MSI2: variants seen among roughly 807,000 people sequenced by gnomAD.
The protein encoded by MSI2 is musashi RNA binding protein 2, also known as RNA-binding protein Musashi homolog 2.
MSI2 carries 17 observed loss-of-function variants against 45.6 expected under a neutral mutation model. The observed-to-expected ratio is 0.37, with a 90% confidence interval of 0.26 to 0.56. The LOEUF (loss-of-function observed/expected upper bound fraction) is 0.56. Ranked by LOEUF, MSI2 falls within the 20% of genes least tolerant of loss-of-function variation. MSI2 has a pLI of 0.77. For missense variants in MSI2, 293 were observed against 444.2 expected (o/e 0.66, Z 3.06); for synonymous variants, 156 against 158.2 (o/e 0.99, Z 0.11).
intron 5 of MSI2, among the ~76,000 whole-genome samples, chr17:57,327,391 T>C (rs951224091): frequency 4.6e-5 from 7 of 152,198 alleles, no homozygotes; most frequent in Admixed American, 2.6e-4. Context: ...AGTGGGTGCC[T>C]TTTCTCTTGC....
At chr17:57,551,509 G>A (rs527624103) in intron 7 of MSI2, among the ~76,000 whole-genome samples, 43 of 152,256 alleles carry the variant, frequency 2.8e-4, no homozygotes, top group Non-Finnish European at 4.3e-4. Flanking sequence ...CTGTTCAGCC[G>A]AGGGTAGAAA....
At chr17:57,609,403 G>C (rs540523601) in intron 8 of MSI2, among the ~76,000 whole-genome samples, 4 of 152,304 alleles carry the variant, frequency 2.6e-5, no homozygotes, top group South Asian at 4.1e-4. Flanking sequence ...TGAGCACTGG[G>C]GAATTTTATC....
intron 7 of MSI2, among the ~76,000 whole-genome samples, chr17:57,568,449 A>G (rs1449354694): frequency 1.3e-5 from 2 of 152,158 alleles, no homozygotes; most frequent in African/African-American, 4.8e-5. Flanking sequence ...CCAATCAAGA[A>G]CAAAGACTCT....
At chr17:57,334,486 C>T (rs954381168) in intron 5 of MSI2, among the ~76,000 whole-genome samples, 5 of 152,088 alleles carry the variant, frequency 3.3e-5, no homozygotes, top group Non-Finnish European at 5.9e-5. Flanking sequence ...CAACACTCCC[C>T]AAGATCTCAT....
intron 5 of MSI2, among the ~76,000 whole-genome samples, chr17:57,316,984 T>TCAGG (rs1345258940): frequency 6.6e-6 from 1 of 150,830 alleles, no homozygotes; most frequent in Admixed American, 6.6e-5. Flanking sequence ...GAATCAGGAA[T>TCAGG]CAGGCTCTTT....
At position 57,501,499 on chromosome 17, in the gene MSI2, C is replaced by T. The variant is rs992348366; in HGVS notation, c.406-28177C>T. 1.2e-4 allele frequency among the ~76,000 whole-genome samples: 19 copies of T among 152,360 alleles called. 1 individual carries two copies. Among genetic ancestry groups the T allele is most frequent in the South Asian group, 4.1e-4 (2 of 4,830 alleles). ...TTAGCTTTCAAGAAGGCAGTTTATCCCTCAAGGGTGGTCCTGCCTCCAGGC... is the reference window on the plus strand; with the variant it reads ...TTAGCTTTCAAGAAGGCAGTTTATCTCTCAAGGGTGGTCCTGCCTCCAGGC... On this transcript the variant is annotated intron_variant, in intron 6 of 13. Coordinates refer to ENST00000284073, the MANE Select transcript of MSI2 (RefSeq NM_138962.4).
At chr17:57,589,416 G>T (rs1371920639) in intron 7 of MSI2, among the ~76,000 whole-genome samples, 1 of 152,202 alleles carries the variant, frequency 6.6e-6, no homozygotes, top group African/African-American at 2.4e-5. Flanking sequence ...ATGCATCTGT[G>T]CACACTACTC....
the MSI2 span, among the ~76,000 whole-genome samples, chr17:57,699,679 G>A: frequency 6.6e-6 from 1 of 152,172 alleles, no homozygotes; most frequent in African/African-American, 2.4e-5. Context: ...TAAATTGTTG[G>A]GCAAGTCAAA....
chr17:57,288,987 A>T (rs537543589), intron 5 of MSI2, among the ~76,000 whole-genome samples: 2 of 152,212 alleles, frequency 1.3e-5, no homozygotes, highest in Non-Finnish European at 2.9e-5. Flanking sequence ...AGTCACCCTT[A>T]GATGAGAGTC....
chr17:57,550,646 T>C (rs772062561), intron 7 of MSI2, among the ~76,000 whole-genome samples: 1 of 152,332 alleles, frequency 6.6e-6, no homozygotes, highest in Non-Finnish European at 1.5e-5. Context: ...CTCTCCGTTT[T>C]CTTAATACCT....
At chr17:57,386,681 C>T (rs1040885323) in intron 5 of MSI2, among the ~76,000 whole-genome samples, 5 of 152,114 alleles carry the variant, frequency 3.3e-5, no homozygotes, top group African/African-American at 1.2e-4. Flanking sequence ...GACCACGACC[C>T]TCCCTTCTGA....
At chr17:57,698,797 C>T in the MSI2 span, among the ~76,000 whole-genome samples, 1 of 151,972 alleles carries the variant, frequency 6.6e-6, no homozygotes, top group Non-Finnish European at 1.5e-5. Flanking sequence ...GTAAAGTTCC[C>T]TTCTCTCTCC....
intron 6 of MSI2, among the ~76,000 whole-genome samples, chr17:57,472,301 G>A (rs554697016): frequency 2.6e-5 from 4 of 152,194 alleles, no homozygotes; most frequent in South Asian, 2.1e-4. Flanking sequence ...TCCAGGGACC[G>A]GCCTCCTTGT....
chr17:57,261,200 C>A (rs1329173806), intron 4 of MSI2, among the ~76,000 whole-genome samples: 1 of 152,166 alleles, frequency 6.6e-6, no homozygotes, highest in African/African-American at 2.4e-5. Context: ...TCCAGGAGAA[C>A]TGTTCTGAGC....
chr17:57,281,547 G>T (rs1909418977), intron 5 of MSI2, among the ~76,000 whole-genome samples: 1 of 152,154 alleles, frequency 6.6e-6, no homozygotes, highest in Non-Finnish European at 1.5e-5. Context: ...GGCTAATTCT[G>T]TTCCAGCTCG....
At chr17:57,309,233 A>G (rs1912166907) in intron 5 of MSI2, among the ~76,000 whole-genome samples, 1 of 152,218 alleles carries the variant, frequency 6.6e-6, no homozygotes, top group Admixed American at 6.5e-5. Flanking sequence ...TAATCATCAT[A>G]GGGGATTTTT....
intron 6 of MSI2, among the ~76,000 whole-genome samples, chr17:57,518,608 ATCAGT>A (rs1436780643): frequency 6.6e-6 from 1 of 152,240 alleles, no homozygotes; most frequent in Non-Finnish European, 1.5e-5. Flanking sequence ...GTTCCGGCAC[ATCAGT>A]GCTCCCCTAA....
At chr17:57,285,968 G>T (rs1909838583) in intron 5 of MSI2, 1 of 1,534,562 alleles carries the variant, frequency 6.5e-7, no homozygotes, top group South Asian at 1.2e-5. Flanking sequence ...TGGATGGAGT[G>T]GGAGTGGAGA....
At chr17:57,340,923 C>A (rs1335834292) in intron 5 of MSI2, among the ~76,000 whole-genome samples, 2 of 152,192 alleles carry the variant, frequency 1.3e-5, no homozygotes, top group Non-Finnish European at 2.9e-5. Context: ...GCAGTTGCAC[C>A]TGCAGGGAGC....
Sources: allele counts gnomAD v4.1 joint callset (sites outside exome capture counted in the v4.1 genomes callset), GRCh38; gene constraint gnomAD v4.1.1; transcripts MANE v1.5; gene names NCBI Gene and HGNC (gene_info 2026-07-23, HGNC 2026-07-21).